The following GPKOW variants were observed in gnomAD, a reference collection of about 807,000 sequenced individuals.
GPKOW encodes G-patch domain and KOW motifs-containing protein.
For synonymous variants in GPKOW, 167 were observed against 159.1 expected (o/e 1.05, Z -0.37); for missense variants, 359 against 404.7 (o/e 0.89, Z 0.97).
rs371757698 is a variant in GPKOW, at chrX:49,113,953, G to T, written c.1211-15C>A. On this transcript the variant is annotated splice_polypyrimidine_tract_variant and intron_variant, in intron 9 of 10. Transcript: ENST00000156109. ...TTCCCTCAGGCCTATGGATAAGGGA[G>T]AGGGGAGTGAGGCCCACAGCAAGGA... The T allele has an allele frequency of 1.9e-5, 21 of 1,099,981 alleles. No individual in the cohort carries two copies. The highest frequency in any genetic ancestry group is 2.4e-5 in the Non-Finnish European group (19 of 795,674). 90.7% of individuals were successfully genotyped at this position (1,099,981 alleles called of 1,213,427 possible).
chrX:49,120,143 T>G (rs1314422732), intron 3 of GPKOW, among the ~76,000 whole-genome samples: 1 of 111,550 alleles, frequency 9.0e-6, no homozygotes, highest in Non-Finnish European at 1.9e-5. Flanking sequence ...ACATGATATG[T>G]CAGGTGGTGA....
At chrX:49,122,283 G>T in intron 3 of GPKOW, 115 bp downstream of exon 3, 2 of 553,218 alleles carry the variant, frequency 3.6e-6, no homozygotes, top group Non-Finnish European at 5.4e-6. Context: ...AGGAGAAGGG[G>T]CAGGTGGCGG....
chrX:49,119,898 G>A, intron 3 of GPKOW, 84 bp from the exon 4 acceptor site: 1 of 537,097 alleles, frequency 1.9e-6, no homozygotes, highest in Non-Finnish European at 3.1e-6. Context: ...CCCCCCACTG[G>A]GAGACCTGCT....
chrX:49,114,391 G>C (rs1269603506), intron 9 of GPKOW, among the ~76,000 whole-genome samples: 1 of 107,262 alleles, frequency 9.3e-6, no homozygotes, highest in South Asian at 4.2e-4. Flanking sequence ...CACCCTCCTC[G>C]GTCTCCCAAA....
intron 9 of GPKOW, among the ~76,000 whole-genome samples, chrX:49,115,382 C>T (rs1389315925): frequency 1.9e-5 from 2 of 107,875 alleles, no homozygotes; most frequent in African/African-American, 6.7e-5. Context: ...TGACGCTTGC[C>T]TGTAATCCCA....
chrX:49,117,725 T>A lies in GPKOW; in HGVS notation c.652A>T (p.Thr218Ser). 1 of 1,209,617 alleles carries A rather than the reference T, an allele frequency of 8.3e-7. No individual in the cohort carries two copies. Among genetic ancestry groups the A allele is most frequent in the Non-Finnish European group, 1.1e-6 (1 of 893,574 alleles). ...NLTEAQALTP[T>S]GPSRMPRPDE... ...GGTCTTGGCATGCGGGAGGGGCCAGTGGGGGTCAAGGCCTGGGCCTCGGTC... is the reference window on the plus strand; with the variant it reads ...GGTCTTGGCATGCGGGAGGGGCCAGAGGGGGTCAAGGCCTGGGCCTCGGTC... Residue 218 changes from threonine to serine, a missense_variant, in exon 5 of 11, where the codon ACT (threonine) becomes TCT (serine). By Grantham distance (58) the Thr-to-Ser change is moderately conservative. Coordinates refer to ENST00000156109, the MANE Select transcript of GPKOW (RefSeq NM_015698.6).
At chrX:49,118,738 C>CA (rs781915104) in intron 4 of GPKOW, among the ~76,000 whole-genome samples, 475 of 6,831 alleles carry the variant, frequency 0.07, 155 homozygotes, top group East Asian at 0.13. Flanking sequence ...GACTCCATCT[C>CA]AAAAAAAAAA....
intron 8 of GPKOW, 47 bp from the exon 9 acceptor site, chrX:49,115,842 G>C: frequency 8.3e-7 from 1 of 1,198,622 alleles, no homozygotes; most frequent in Non-Finnish European, 1.1e-6. Flanking sequence ...GAGGTAGGGG[G>C]GCCCAGTCCC....
chrX:49,114,691 C>G (rs1238449484), intron 9 of GPKOW, among the ~76,000 whole-genome samples: 1 of 104,632 alleles, frequency 9.6e-6, no homozygotes, highest in Admixed American at 1.0e-4. Flanking sequence ...CTTTGGGAGG[C>G]TGAGGCAGGA....
chrX:49,113,820 C>T (rs1557089714), intron 10 of GPKOW, 33 bp downstream of exon 10: 1 of 1,200,502 alleles, frequency 8.3e-7, no homozygotes, highest in Admixed American at 2.2e-5. Flanking sequence ...CCTGAACGAC[C>T]CACAAACCTC....
chrX:49,122,049 T>C (rs1557091101), intron 3 of GPKOW, among the ~76,000 whole-genome samples: 1 of 111,815 alleles, frequency 8.9e-6, no homozygotes, highest in Non-Finnish European at 1.9e-5. Context: ...AGCACCCCCA[T>C]CTCCTTTCTG....
At chrX:49,116,186 C>T (rs782688820) in intron 7 of GPKOW, 35 bp downstream of exon 7, 2 of 1,107,524 alleles carry the variant, frequency 1.8e-6, no homozygotes, top group East Asian at 3.0e-5. Context: ...CACAGCCCTG[C>T]CTTCTTGACC....
chrX:49,116,958 C>A (rs1308791891), intron 6 of GPKOW, 72 bp downstream of exon 6: 4 of 967,218 alleles, frequency 4.1e-6, no homozygotes, highest in African/African-American at 3.8e-5. Flanking sequence ...CTAAAACCAC[C>A]CCATTAGCCA....
intron 9 of GPKOW, among the ~76,000 whole-genome samples, chrX:49,115,069 G>A (rs2065187261): frequency 9.1e-6 from 1 of 109,297 alleles, no homozygotes; most frequent in African/African-American, 3.4e-5. Context: ...AAAAATCACT[G>A]TAATAAAGGG....
intron 9 of GPKOW, among the ~76,000 whole-genome samples, chrX:49,114,226 G>A (rs2065182592): frequency 9.0e-6 from 1 of 110,695 alleles, no homozygotes; most frequent in African/African-American, 3.3e-5. Flanking sequence ...TGCAACCTCC[G>A]CCTCCTGGGT....
At chrX:49,117,537 C>T in intron 5 of GPKOW, 60 bp downstream of exon 5, 1 of 841,875 alleles carries the variant, frequency 1.2e-6, no homozygotes, top group East Asian at 3.1e-5. Context: ...CTCCATCTGA[C>T]CCTCGGATCA....
chrX:49,117,783 C>T lies in GPKOW; in HGVS notation c.594G>A (p.Leu198=). ...CACCCAGCCCTAACCCCTTGGGCCTCAGTGAGTTGACACGGGGCTTCACTA... is the reference window on the plus strand; with the variant it reads ...CACCCAGCCCTAACCCCTTGGGCCTTAGTGAGTTGACACGGGGCTTCACTA... ...NQVVKPRVNS[L]RPKGLGLGAN... is the part of the protein sequence containing the mutation. The change falls in exon 5 of 11, where the codon CTG becomes CTA. Residue 198 remains leucine (L), a synonymous_variant. Transcript: ENST00000156109. 1 of 1,201,563 alleles carries T rather than the reference C, an allele frequency of 8.3e-7. No homozygotes were observed. Among genetic ancestry groups the T allele is most frequent in the South Asian group, 1.8e-5 (1 of 56,038 alleles).
Position 49,117,680 on chromosome X carries a change from C to A in GPKOW, c.697G>T (p.Asp233Tyr). ...MPRPDEEQEK[D>Y]KEDQPQGLVP... ...AGCCCTTGAGGCTGATCTTCCTTAT[C>A]TTTCTCTTGCTCCTCATCTGGTCTT... The change falls in exon 5 of 11, where the codon GAT becomes TAT. Residue 233 changes from aspartate to tyrosine, a missense_variant. Physicochemically the swap from Asp to Tyr is radical, Grantham distance 160. Coordinates refer to ENST00000156109, the MANE Select transcript of GPKOW (RefSeq NM_015698.6). 5.0e-6 allele frequency: 6 copies of A among 1,209,806 alleles called. No homozygotes were observed. Among genetic ancestry groups the A allele is most frequent in the Non-Finnish European group, 6.7e-6 (6 of 893,783 alleles).
chrX:49,113,458 T>C lies in GPKOW; in HGVS notation c.*163A>G, dbSNP rs1017990871. ...TAAATTTTGGTAAATATTGGGTTTG[T>C]TTCTAGCTTCCCTACTGGTTCACCC... On this transcript the variant is annotated 3_prime_UTR_variant, in exon 11 of 11. Coordinates refer to ENST00000156109, the MANE Select transcript of GPKOW (RefSeq NM_015698.6). 3.3e-5 allele frequency: 16 copies of C among 484,026 alleles called. No individual in the cohort carries two copies. Among genetic ancestry groups the C allele is most frequent in the Non-Finnish European group, 5.2e-5 (15 of 286,889 alleles). 39.9% of individuals were successfully genotyped at this position (484,026 alleles called of 1,213,427 possible). A position where few individuals can be genotyped will look rare whatever the true frequency, so the allele number is the denominator to read the frequency against.
Sources: allele counts gnomAD v4.1 joint callset (sites outside exome capture counted in the v4.1 genomes callset), GRCh38; gene constraint gnomAD v4.1.1; transcripts MANE v1.5; gene names NCBI Gene and HGNC (gene_info 2026-07-23, HGNC 2026-07-21).